The following PDE1C variants were observed in gnomAD, a reference collection of about 807,000 sequenced individuals.
The protein encoded by PDE1C is dual specificity calcium/calmodulin-dependent 3',5'-cyclic nucleotide phosphodiesterase 1C.
PDE1C carries 62 observed loss-of-function variants against 93.1 expected under a neutral mutation model. That is an observed-to-expected ratio of 0.67 (90% confidence interval 0.54 to 0.82). The LOEUF (loss-of-function observed/expected upper bound fraction) is 0.82. PDE1C is among the 40% of genes least tolerant of loss of function. PDE1C has a pLI of 0.00. For synonymous variants in PDE1C, 325 were observed against 310.1 expected (o/e 1.05, Z -0.50); for missense variants, 742 against 884.6 (o/e 0.84, Z 2.04).
upstream of PDE1C, among the ~76,000 whole-genome samples, chr7:32,073,099 A>G (rs895029614): frequency 6.6e-6 from 1 of 152,208 alleles, no homozygotes; most frequent in African/African-American, 2.4e-5. Flanking sequence ...TTCACTCCAT[A>G]CCACATCTAT....
intron 3 of PDE1C, among the ~76,000 whole-genome samples, chr7:32,098,434 G>T (rs1332866780): frequency 1.3e-5 from 2 of 151,864 alleles, no homozygotes; most frequent in Non-Finnish European, 2.9e-5. Flanking sequence ...AAAATAATAG[G>T]AAACTCAAAT....
chr7:31,846,834 G>A (rs1220990167), intron 9 of PDE1C, among the ~76,000 whole-genome samples: 6 of 152,128 alleles, frequency 3.9e-5, no homozygotes, highest in Admixed American at 3.9e-4. Context: ...GATGCTGGCT[G>A]AGTCTAGCAT....
rs1302998543 is a variant in PDE1C at position 32,420,120 on chromosome 7, T to TACAC, written c.310+7701_310+7702insGTGT. Among the ~76,000 whole-genome samples, 3 of 23,176 alleles carry TACAC rather than the reference T, an allele frequency of 1.3e-4. 1 individual carries two copies. The highest frequency in any genetic ancestry group is 4.0e-4 in the African/African-American group (3 of 7,580). The allele number at this position is 23,176 out of a possible 152,430, so 15.2% of individuals were successfully genotyped here. ...ATATATATATATATATATATATATA[T>TACAC]ATATACACACACACACACACACACA... On this transcript the variant is annotated intron_variant, in intron 1 of 1. Transcript: ENST00000672256.
chr7:32,126,866 G>T (rs1412577574), intron 3 of PDE1C, among the ~76,000 whole-genome samples: 1 of 152,166 alleles, frequency 6.6e-6, no homozygotes, highest in African/African-American at 2.4e-5. Context: ...GAAGATAATT[G>T]AGGCAATGTG....
chr7:32,180,052 G>C (rs1001669581), intron 2 of PDE1C, among the ~76,000 whole-genome samples: 1 of 152,106 alleles, frequency 6.6e-6, no homozygotes, highest in East Asian at 1.9e-4. Context: ...ATAGGAATTA[G>C]GAATGAATGG....
At chr7:32,029,083 C>A (rs1423059481) in intron 2 of PDE1C, among the ~76,000 whole-genome samples, 1 of 152,030 alleles carries the variant, frequency 6.6e-6, no homozygotes, top group Non-Finnish European at 1.5e-5. Context: ...GGGCAAGGGA[C>A]CTAAATAGAT....
chr7:31,961,712 C>T (rs73686857), intron 2 of PDE1C, among the ~76,000 whole-genome samples: 2,628 of 152,180 alleles, frequency 0.017, 72 homozygotes, highest in African/African-American at 0.058. Flanking sequence ...AACATACATA[C>T]GTATGTATAA....
intron 2 of PDE1C, among the ~76,000 whole-genome samples, chr7:32,188,571 A>AAAAACACCTGT (rs1804031959): frequency 6.6e-6 from 1 of 152,094 alleles, no homozygotes; most frequent in African/African-American, 2.4e-5. Context: ...CTCTAACTCT[A>AAAAACACCTGT]AAAACACCTG....
intron 3 of PDE1C, among the ~76,000 whole-genome samples, chr7:32,159,577 C>T (rs1801784835): frequency 6.6e-6 from 1 of 152,070 alleles, no homozygotes; most frequent in African/African-American, 2.4e-5. Context: ...TATCAGTAGG[C>T]CAATCTGTCT....
At chr7:31,920,872 G>A (rs570957370) in intron 2 of PDE1C, among the ~76,000 whole-genome samples, 5 of 152,172 alleles carry the variant, frequency 3.3e-5, no homozygotes, top group African/African-American at 7.2e-5. Context: ...CAGAAAACTC[G>A]TAGTCAAGTC....
chr7:32,089,221 G>A (rs1797315314), intron 3 of PDE1C, among the ~76,000 whole-genome samples: 1 of 152,112 alleles, frequency 6.6e-6, no homozygotes, highest in Non-Finnish European at 1.5e-5. Context: ...TTGGTATGTT[G>A]TATGTACTAT....
At chr7:31,734,217 C>T in the PDE1C span, among the ~76,000 whole-genome samples, 1 of 152,190 alleles carries the variant, frequency 6.6e-6, no homozygotes, top group East Asian at 1.9e-4. Context: ...CTGAATCTCA[C>T]AGGGGAGCTG....
At chr7:32,371,002 A>G (rs1784322761) in intron 1 of PDE1C, among the ~76,000 whole-genome samples, 1 of 143,826 alleles carries the variant, frequency 7.0e-6, no homozygotes, top group African/African-American at 2.6e-5. Context: ...ATGGAAGTCA[A>G]AAAAAAAAAA....
At chr7:31,819,647 G>T (rs1788711544) in intron 14 of PDE1C, among the ~76,000 whole-genome samples, 1 of 152,034 alleles carries the variant, frequency 6.6e-6, no homozygotes, top group Non-Finnish European at 1.5e-5. Flanking sequence ...GAGCCCTCGA[G>T]ATCCATAAAT....
chr7:31,627,622 T>G, the PDE1C span, among the ~76,000 whole-genome samples: 1 of 124,662 alleles, frequency 8.0e-6, no homozygotes, highest in African/African-American at 3.1e-5. Flanking sequence ...ATCATGCCAC[T>G]GCAATCCAGC....
intron 1 of PDE1C, among the ~76,000 whole-genome samples, chr7:32,269,984 T>C (rs987408617): frequency 1.3e-5 from 2 of 151,358 alleles, no homozygotes; most frequent in Admixed American, 6.6e-5. Flanking sequence ...CTATGTTGAC[T>C]AGGCCAGTCT....
chr7:31,709,977 C>CT, the PDE1C span, among the ~76,000 whole-genome samples: 1 of 152,076 alleles, frequency 6.6e-6, no homozygotes, highest in South Asian at 2.1e-4. Flanking sequence ...CAGAGAGACT[C>CT]TGTCTCCACA....
chr7:31,883,390 TA>T (rs1456902955), intron 2 of PDE1C, among the ~76,000 whole-genome samples: 8 of 152,134 alleles, frequency 5.3e-5, no homozygotes, highest in African/African-American at 1.9e-4. Context: ...AATGGACAAG[TA>T]ATTTAAAAAG....
At chr7:32,263,370 T>G (rs1290503840) in intron 1 of PDE1C, among the ~76,000 whole-genome samples, 1 of 152,176 alleles carries the variant, frequency 6.6e-6, no homozygotes, top group Non-Finnish European at 1.5e-5. Flanking sequence ...TGTGTCTGTG[T>G]GTCTGTGTGT....
Sources: allele counts gnomAD v4.1 joint callset (sites outside exome capture counted in the v4.1 genomes callset), GRCh38; gene constraint gnomAD v4.1.1; transcripts MANE v1.5; gene names NCBI Gene and HGNC (gene_info 2026-07-23, HGNC 2026-07-21).